Variants in NXPH1 observed in about 807,000 individuals in gnomAD.
The protein encoded by NXPH1 is neurexophilin-1.
In NXPH1, 5 loss-of-function variants were observed where a neutral mutation model predicts 23.7. The observed-to-expected ratio is 0.21, with a 90% CI of 0.11 to 0.44. The LOEUF (loss-of-function observed/expected upper bound fraction) is 0.44. Ranked by LOEUF, NXPH1 falls within the 20% of genes least tolerant of loss-of-function variation. The pLI is 0.99. For missense variants in NXPH1, 324 were observed against 321.6 expected, an observed-to-expected ratio of 1.01 and a Z score of -0.06; for synonymous variants, 144 against 122.2, an observed-to-expected ratio of 1.18 and a Z score of -1.18.
intron 2 of NXPH1, among the ~76,000 whole-genome samples, chr7:8,561,129 C>A (rs1818436725): frequency 6.6e-6 from 1 of 151,640 alleles, no homozygotes; most frequent in Admixed American, 6.6e-5. Context: ...TAGACAGATG[C>A]ACATACAGGG....
chr7:8,748,696 C>G (rs2349781), intron 2 of NXPH1, among the ~76,000 whole-genome samples: 76,020 of 152,094 alleles, frequency 0.5, 20,763 homozygotes, highest in East Asian at 0.78. Flanking sequence ...CTAGCAGCCT[C>G]AAAGAGTTCA....
intron 2 of NXPH1, among the ~76,000 whole-genome samples, chr7:8,506,423 A>C (rs745658498): frequency 5.8e-4 from 88 of 152,084 alleles, no homozygotes; most frequent in Non-Finnish European, 1.8e-4. Context: ...GATACTTGTG[A>C]AGATTAAGTG....
At position 8,530,115 on chromosome 7, in the gene NXPH1, G is replaced by A. The variant is rs76351497; in HGVS notation, c.54+94348G>A. Among the ~76,000 whole-genome samples the A allele has an allele frequency of 7.4e-3, 1,129 of 152,150 alleles. 10 individuals carry two copies. Among genetic ancestry groups the A allele is most frequent in the Non-Finnish European group, 9.3e-3 (630 of 67,994 alleles). Reference sequence around the variant, plus strand: ...GGTAGAGGCCCAGGACACTTACCACGGGATGTAGAGAAAAACCAATCATCA... The same window carrying A: ...GGTAGAGGCCCAGGACACTTACCACAGGATGTAGAGAAAAACCAATCATCA... On this transcript the variant is annotated intron_variant, in intron 2 of 2. Transcript: ENST00000405863.
At chr7:8,508,659 T>G (rs149819189) in intron 2 of NXPH1, among the ~76,000 whole-genome samples, 1 of 152,026 alleles carries the variant, frequency 6.6e-6, no homozygotes, top group African/African-American at 2.4e-5. Flanking sequence ...TTTTATGTCT[T>G]GAATGTAAAT....
chr7:8,716,872 C>G (rs1779886661), intron 2 of NXPH1, among the ~76,000 whole-genome samples: 1 of 152,182 alleles, frequency 6.6e-6, no homozygotes, highest in Non-Finnish European at 1.5e-5. Context: ...GCATGGGGCA[C>G]TCTAGTCTCT....
intron 2 of NXPH1, among the ~76,000 whole-genome samples, chr7:8,450,028 G>A (rs1440296892): frequency 6.6e-6 from 1 of 152,160 alleles, no homozygotes; most frequent in Non-Finnish European, 1.5e-5. Context: ...AATGATCCCT[G>A]GGTCTCAGGG....
chr7:8,534,695 C>G (rs1271123374), intron 2 of NXPH1, among the ~76,000 whole-genome samples: 1 of 152,084 alleles, frequency 6.6e-6, no homozygotes, highest in Admixed American at 6.6e-5. Flanking sequence ...ATCGTACTCT[C>G]AAATATTTGA....
chr7:8,645,173 G>T (rs945681880), intron 2 of NXPH1, among the ~76,000 whole-genome samples: 1 of 151,966 alleles, frequency 6.6e-6, no homozygotes, highest in South Asian at 2.1e-4. Context: ...GAATTCTTAC[G>T]GTTTATACAA....
chr7:8,701,716 C>T (rs572946521), intron 2 of NXPH1, among the ~76,000 whole-genome samples: 14 of 152,066 alleles, frequency 9.2e-5, no homozygotes, highest in Non-Finnish European at 2.1e-4. Flanking sequence ...TTTGTATCCT[C>T]AGAACCTAGC....
At position 8,733,214 on chromosome 7, in the gene NXPH1, T is replaced by C. The variant is rs1780189179; in HGVS notation, c.55-17794T>C. Reference sequence around the variant, plus strand: ...CCCTGCAAAGGACATGAACTCATCCTTTTTTATAGCTGCATAGTATTCCAT... The same window carrying C: ...CCCTGCAAAGGACATGAACTCATCCCTTTTTATAGCTGCATAGTATTCCAT... On this transcript the variant is annotated intron_variant, in intron 2 of 2. Coordinates refer to ENST00000405863, the MANE Select transcript of NXPH1 (RefSeq NM_152745.3). Among the ~76,000 whole-genome samples, 3 of 152,216 alleles carry C rather than the reference T, an allele frequency of 2.0e-5. No homozygotes were observed. The South Asian group carries it at 6.2e-4, about 31-fold the overall frequency.
chr7:8,488,517 T>G (rs1460409605), intron 2 of NXPH1, among the ~76,000 whole-genome samples: 6 of 152,158 alleles, frequency 3.9e-5, no homozygotes, highest in African/African-American at 1.4e-4. Context: ...TCCCTTGGTT[T>G]TGTAATTCTT....
chr7:8,688,307 T>C (rs4318981), intron 2 of NXPH1, among the ~76,000 whole-genome samples: 53,154 of 152,058 alleles, frequency 0.35, 9,406 homozygotes, highest in East Asian at 0.44. Context: ...ACTGATTCAT[T>C]ATACATTATA....
intron 2 of NXPH1, among the ~76,000 whole-genome samples, chr7:8,659,628 T>G (rs1389917596): frequency 6.6e-6 from 1 of 152,176 alleles, no homozygotes; most frequent in Non-Finnish European, 1.5e-5. Context: ...ATATACCTAA[T>G]GTAAATGACG....
At chr7:8,697,352 G>C (rs1290598456) in intron 2 of NXPH1, among the ~76,000 whole-genome samples, 1 of 152,062 alleles carries the variant, frequency 6.6e-6, no homozygotes, top group Non-Finnish European at 1.5e-5. Context: ...ATGGATAATG[G>C]ATTATAAGGG....
chr7:8,565,087 A>G (rs1175141670), intron 2 of NXPH1, among the ~76,000 whole-genome samples: 1 of 151,768 alleles, frequency 6.6e-6, no homozygotes, highest in Non-Finnish European at 1.5e-5. Context: ...GTGGCATATA[A>G]GACGGCACCA....
intron 2 of NXPH1, among the ~76,000 whole-genome samples, chr7:8,715,419 C>G (rs953086567): frequency 6.6e-6 from 1 of 152,040 alleles, no homozygotes; most frequent in Admixed American, 6.6e-5. Context: ...TCTGAAGGTG[C>G]TTTTATTGTG....
intron 2 of NXPH1, among the ~76,000 whole-genome samples, chr7:8,560,196 A>G (rs1818417222): frequency 6.6e-6 from 1 of 151,754 alleles, no homozygotes; most frequent in Non-Finnish European, 1.5e-5. Context: ...TAGCATATGT[A>G]AAAGTCTAGT....
At chr7:8,595,274 GA>G (rs1275871339) in intron 2 of NXPH1, among the ~76,000 whole-genome samples, 3 of 151,816 alleles carry the variant, frequency 2.0e-5, no homozygotes, top group South Asian at 2.1e-4. Context: ...CCCAGTATAA[GA>G]AAATATAAAA....
At chr7:8,463,617 A>G (rs747271773) in intron 2 of NXPH1, among the ~76,000 whole-genome samples, 1 of 152,064 alleles carries the variant, frequency 6.6e-6, no homozygotes, top group Non-Finnish European at 1.5e-5. Flanking sequence ...TTTGATTATT[A>G]GTATTTTCTT....
Sources: gnomAD v4.1 joint callset for allele counts (sites outside exome capture counted in the v4.1 genomes callset) on GRCh38, gnomAD v4.1.1 for gene constraint, MANE v1.5 for transcripts, NCBI Gene and HGNC (gene_info 2026-07-23, HGNC 2026-07-21) for gene names.